HINFP: variants seen among roughly 807,000 people sequenced by gnomAD.
HINFP encodes the protein MBD2 (methyl-CpG-binding protein)-interacting zinc finger protein.
In HINFP, 20 loss-of-function variants were observed where a neutral mutation model predicts 50.1. That is an observed-to-expected ratio of 0.40 (90% confidence interval 0.28 to 0.58). The LOEUF is 0.58. HINFP is among the 20% of genes least tolerant of loss of function. The probability of loss-of-function intolerance (pLI) is 0.45; values close to 1 mark genes in which losing one functional copy is unlikely to be tolerated. For missense variants in HINFP, 505 were observed against 664.1 expected, an observed-to-expected ratio of 0.76 and a Z score of 2.63; for synonymous variants, 247 against 243.7, an observed-to-expected ratio of 1.01 and a Z score of -0.13.
chr11:119,133,130 T>C lies in HINFP; in HGVS notation c.1050T>C (p.Cys350=). 2 of 1,614,256 alleles carry C rather than the reference T, an allele frequency of 1.2e-6. No homozygotes were observed. Among genetic ancestry groups the C allele is most frequent in the Non-Finnish European group, 1.7e-6 (2 of 1,180,050 alleles). ...DSEPRYKCHV[C]DKCFTRGNNL... ...AGCCAAGGTACAAATGTCATGTGTG[T>C]GACAAATGCTTCACACGGGGCAACA... The change falls in exon 9 of 10, where the codon TGT becomes TGC. Residue 350 remains cysteine, a synonymous_variant. Coordinates refer to ENST00000350777, the MANE Select transcript of HINFP (RefSeq NM_198971.3).
chr11:119,131,964 C>T lies in HINFP; in HGVS notation c.658C>T (p.Arg220Cys), dbSNP rs1046279925. ...TACCAAGTTCTTAGATCACATCCGT[C>T]GCCAGACCTCATTGGATCGTAAGTA... Reference protein sequence around the residue: ...NNTKFLDHIRRQTSLDQQHFQ... With the variant: ...NNTKFLDHIRCQTSLDQQHFQ... Residue 220 changes from arginine to cysteine, a missense_variant, in exon 5 of 10, where the codon CGC becomes TGC. Physicochemically the swap from Arg to Cys is radical, Grantham distance 180. Coordinates refer to ENST00000350777, the MANE Select transcript of HINFP (RefSeq NM_198971.3). This position sits in a 1 kb window ranked among gnomAD's most constrained non-coding sequence, Gnocchi z 4.2. 7 of 1,614,048 alleles carry T rather than the reference C, an allele frequency of 4.3e-6. No individual in the cohort carries two copies. The highest frequency in any genetic ancestry group is 5.9e-6 in the Non-Finnish European group (7 of 1,180,022).
chr11:119,132,037 A>G, intron 5 of HINFP, 55 bp downstream of exon 5: 2 of 1,597,290 alleles, frequency 1.3e-6, no homozygotes, highest in Non-Finnish European at 1.7e-6. Flanking sequence ...GGAATGGGTT[A>G]GGGGCATGTT....
chr11:119,124,474 C>G (rs751086422), intron 1 of HINFP: 1 of 152,136 alleles, frequency 6.6e-6, no homozygotes, highest in African/African-American at 2.4e-5. Flanking sequence ...AGTGTCCTCT[C>G]TCTAGCAGAA....
Position 119,132,394 on chromosome 11 carries a change from C to T in HINFP, c.677-102C>T. 4 of 1,144,602 alleles carry T rather than the reference C, an allele frequency of 3.5e-6. No individual in the cohort carries two copies. The South Asian group carries it at 3.9e-5, about 11-fold the overall frequency. The allele number at this position is 1,144,602 out of a possible 1,614,324, so 70.9% of individuals were successfully genotyped here. A position where few individuals can be genotyped will look rare whatever the true frequency, so the allele number is the denominator to read the frequency against. On this transcript the variant is annotated intron_variant, in intron 5 of 9. Transcript: ENST00000350777. ...TCATAGCTCCCTAAGCTCTCCTTTT[C>T]TCCTTGGGTGGTTCCCTTCTGCCTG...
intron 1 of HINFP, among the ~76,000 whole-genome samples, chr11:119,123,191 A>G (rs984745841): frequency 6.6e-6 from 1 of 151,260 alleles, no homozygotes; most frequent in Non-Finnish European, 1.5e-5. Flanking sequence ...AATGTAGAGT[A>G]TTCAGAGACA....
intron 6 of HINFP, 25 bp downstream of exon 6, chr11:119,132,598 T>C: frequency 6.2e-7 from 1 of 1,614,042 alleles, no homozygotes; most frequent in African/African-American, 1.3e-5. Context: ...GCCCACAGCC[T>C]CCCTCCTGCC....
rs1947719367 is a variant in HINFP, at chr11:119,130,972, G to A, written c.411+18G>A. ...ACTGTGAGGTCAGCAGGCAGTGCCA[G>A]TAATTGGGGTGGAAGGAAGCTGGGG... On this transcript the variant is annotated intron_variant, in intron 3 of 9. Transcript: ENST00000350777. 6 of 1,602,246 alleles carry A rather than the reference G, an allele frequency of 3.7e-6. No homozygotes were observed. The East Asian group carries it at 1.1e-4, about 30-fold the overall frequency.
In HINFP at chr11:119,134,340, G is replaced by A. The variant is rs760992709; in HGVS notation, c.1396G>A (p.Val466Met). The A allele has an allele frequency of 2.8e-5, 46 of 1,614,050 alleles. No homozygotes were observed. The highest frequency in any genetic ancestry group is 8.8e-5 in the South Asian group (8 of 91,094). ...SQDNPSSVIH[V>M]VNQTNAQGQQ... is the part of the protein sequence containing the mutation. ...GGACAACCCCAGTTCTGTCATCCAC[G>A]TGGTGAATCAGACCAATGCCCAAGG... The change falls in exon 10 of 10, where the codon GTG (valine) becomes ATG (methionine). Residue 466 changes from valine (V) to methionine (M), a missense_variant. Transcript: ENST00000350777. This position sits in a 1 kb window ranked among gnomAD's most constrained non-coding sequence, Gnocchi z 4.3.
chr11:119,133,472 G>A, intron 9 of HINFP: 1 of 414,872 alleles, frequency 2.4e-6, no homozygotes, highest in South Asian at 2.5e-5. Flanking sequence ...CCAGCTACTT[G>A]GGAGGCTGAG....
intron 9 of HINFP, 175 bp from the exon 10 acceptor site, chr11:119,133,909 C>T (rs1947920612): frequency 1.3e-6 from 1 of 758,938 alleles, no homozygotes; most frequent in Non-Finnish European, 2.1e-6. Flanking sequence ...AATGATCTTT[C>T]CCTCTTGCCT....
Position 119,131,304 on chromosome 11 carries a change from G to C in HINFP, c.412-231G>C. ...AGGTCTGGGTGTGTTGCCCAGGCCG[G>C]TCTCGAACTCTTGGCCTCAAGTGAT... is the stretch of plus-strand genomic sequence containing the variant. On this transcript the variant is annotated intron_variant, in intron 3 of 9. Transcript: ENST00000350777. The surrounding 1 kb of genome is among the most constrained non-coding windows in gnomAD (Gnocchi z 4.2). The C allele has an allele frequency of 1.7e-6, 1 of 578,608 alleles. No homozygotes were observed. Among genetic ancestry groups the C allele is most frequent in the Non-Finnish European group, 3.1e-6 (1 of 319,770 alleles). 35.8% of individuals were successfully genotyped at this position (578,608 alleles called of 1,614,324 possible). A position where few individuals can be genotyped will look rare whatever the true frequency, so the allele number is the denominator to read the frequency against.
chr11:119,126,119 A>C (rs1947383302), intron 1 of HINFP: 1 of 152,148 alleles, frequency 6.6e-6, no homozygotes, highest in African/African-American at 2.4e-5. Context: ...TTGGGAAGCC[A>C]AGGTGGGTGG....
chr11:119,125,059 G>A (rs1383936671), intron 1 of HINFP: 1 of 88,224 alleles, frequency 1.1e-5, no homozygotes, highest in African/African-American at 4.3e-5. Context: ...TTTTTTTTGA[G>A]ACAGAGTCTT....
In HINFP at chr11:119,131,207, GC is replaced by G. The variant is rs1947734191; in HGVS notation, c.411+255del. On this transcript the variant is annotated intron_variant, in intron 3 of 9. Transcript: ENST00000350777. This position sits in a 1 kb window ranked among gnomAD's most constrained non-coding sequence, Gnocchi z 4.2. ...GGGCTCAAGCAATCCTCCCACCTCA[GC>G]CTCCCAAGTAGCTAGGACTACAGGC... The G allele has an allele frequency of 3.1e-6, 2 of 649,860 alleles. No individual in the cohort carries two copies. Among genetic ancestry groups the G allele is most frequent in the Non-Finnish European group, 5.7e-6 (2 of 353,902 alleles). The allele number at this position is 649,860 out of a possible 1,614,324, so 40.3% of individuals were successfully genotyped here.
At chr11:119,133,263 T>C (rs1485710920) in intron 9 of HINFP, 44 bp downstream of exon 9, 7 of 1,608,196 alleles carry the variant, frequency 4.4e-6, no homozygotes, top group Non-Finnish European at 5.9e-6. Flanking sequence ...CACTTGTTTT[T>C]ATACCTTTTC....
At chr11:119,126,762 C>A (rs1390256499) in intron 1 of HINFP, 173 bp from the exon 2 acceptor site, 1 of 558,066 alleles carries the variant, frequency 1.8e-6, no homozygotes, top group East Asian at 3.0e-5. Flanking sequence ...AAACACCAGA[C>A]ATCTTCCAGG....
intron 1 of HINFP, chr11:119,126,647 T>G: frequency 3.9e-6 from 1 of 254,500 alleles, no homozygotes; most frequent in Non-Finnish European, 7.5e-6. Context: ...AATAATTCCT[T>G]CTTGGTGGGT....
In HINFP at chr11:119,131,750, G is replaced by A. The variant is rs987004484; in HGVS notation, c.524-80G>A. 15 of 1,603,298 alleles carry A rather than the reference G, an allele frequency of 9.4e-6. No individual in the cohort carries two copies. The highest frequency in any genetic ancestry group is 5.4e-5 in the African/African-American group (4 of 74,658). On this transcript the variant is annotated intron_variant, in intron 4 of 9. Transcript: ENST00000350777. This position sits in a 1 kb window ranked among gnomAD's most constrained non-coding sequence, Gnocchi z 4.2. ...TCCTACAGGGGCAAGGTTGACTGCC[G>A]GCTGGAGAGACTCAGGGGTACCAGA...
chr11:119,129,404 T>C (rs1947618864), intron 2 of HINFP, among the ~76,000 whole-genome samples: 1 of 151,864 alleles, frequency 6.6e-6, no homozygotes, highest in African/African-American at 2.4e-5. Context: ...ACTCTTGGCC[T>C]CAAGTGATCC....
Sources: gnomAD v4.1 joint callset for allele counts (sites outside exome capture counted in the v4.1 genomes callset) on GRCh38, gnomAD v4.1.1 for gene constraint, Gnocchi (gnomAD v3.1) non-coding constraint, MANE v1.5 for transcripts, NCBI Gene and HGNC (gene_info 2026-07-23, HGNC 2026-07-21) for gene names.